CENPP: variants seen among roughly 807,000 people sequenced by gnomAD.
CENPP encodes centromere protein P.
Under a neutral mutation model 35.6 loss-of-function variants are expected in CENPP, and 24 were observed. That is an observed-to-expected ratio of 0.67 (90% confidence interval 0.49 to 0.95). The LOEUF is 0.95. CENPP is among the 40% of genes least tolerant of loss of function. The probability of loss-of-function intolerance (pLI) is 0.00; values close to 1 mark genes in which losing one functional copy is unlikely to be tolerated. For missense variants in CENPP, 332 were observed against 345.3 expected, an observed-to-expected ratio of 0.96 and a Z score of 0.31; for synonymous variants, 120 against 125.5, an observed-to-expected ratio of 0.96 and a Z score of 0.29.
At chr9:92,401,227 C>A in intron 5 of CENPP, 1 of 849,988 alleles carries the variant, frequency 1.2e-6, no homozygotes, top group Non-Finnish European at 2.0e-6. Context: ...TTCATTAAGT[C>A]TGTGTTTCTC....
At chr9:92,537,162 C>T (rs1233410915) in intron 5 of CENPP, among the ~76,000 whole-genome samples, 1 of 151,824 alleles carries the variant, frequency 6.6e-6, no homozygotes, top group Admixed American at 6.6e-5. Context: ...AGGCATGAGC[C>T]ACCGCACCTG....
rs570751813 is a variant in CENPP, at chr9:92,467,337, A to T, written c.564+87478A>T. 4.0e-4 allele frequency among the ~76,000 whole-genome samples: 61 copies of T among 152,286 alleles called. 1 individual carries two copies. Among genetic ancestry groups the T allele is most frequent in the African/African-American group, 1.3e-3 (56 of 41,566 alleles). ...TCTGCCCAGATCATGAGATTATGGG[A>T]TGTGGGGATTTCAGAACCCAAACTG... On this transcript the variant is annotated intron_variant, in intron 5 of 7. Transcript: ENST00000375587.
At chr9:92,435,110 T>C (rs1170234243) in intron 5 of CENPP, among the ~76,000 whole-genome samples, 1 of 152,208 alleles carries the variant, frequency 6.6e-6, no homozygotes. Flanking sequence ...GTTTTGGCAA[T>C]GCTTGGTAGA....
chr9:92,546,541 G>T (rs991821132), intron 5 of CENPP, among the ~76,000 whole-genome samples: 1 of 151,972 alleles, frequency 6.6e-6, no homozygotes, highest in Non-Finnish European at 1.5e-5. Flanking sequence ...AATAGTCAAC[G>T]CCAAGGTCTG....
chr9:92,608,078 G>GC (rs1429719811), intron 5 of CENPP, among the ~76,000 whole-genome samples: 1 of 152,194 alleles, frequency 6.6e-6, no homozygotes, highest in Non-Finnish European at 1.5e-5. Context: ...AGTGTGCTCA[G>GC]CGAGGTCCCC....
intron 5 of CENPP, among the ~76,000 whole-genome samples, chr9:92,381,291 T>C (rs1189424942): frequency 6.6e-6 from 1 of 151,586 alleles, no homozygotes; most frequent in Non-Finnish European, 1.5e-5. Context: ...TTTTCTTTTT[T>C]TTTTTTTTTT....
chr9:92,578,517 T>C (rs1297386532), intron 5 of CENPP, among the ~76,000 whole-genome samples: 4 of 152,322 alleles, frequency 2.6e-5, no homozygotes, highest in East Asian at 1.9e-4. Context: ...TGGTATCTCA[T>C]TGTGGTTTTG....
chr9:92,586,947 A>C (rs1026814608), intron 5 of CENPP, among the ~76,000 whole-genome samples: 5 of 151,514 alleles, frequency 3.3e-5, no homozygotes, highest in Non-Finnish European at 5.9e-5. Context: ...GTTCAACAAC[A>C]AGAAAAAGAC....
intron 5 of CENPP, among the ~76,000 whole-genome samples, chr9:92,569,586 C>T (rs898321890): frequency 5.3e-5 from 8 of 152,042 alleles, no homozygotes; most frequent in Non-Finnish European, 8.8e-5. Context: ...TCCATATGAA[C>T]TTTAAAGTAG....
At chr9:92,357,420 A>G (rs1256988335) in intron 4 of CENPP, among the ~76,000 whole-genome samples, 2 of 148,182 alleles carry the variant, frequency 1.3e-5, no homozygotes, top group Non-Finnish European at 3.0e-5. Context: ...TTTTTGTTTT[A>G]TTTTTCTTTT....
At chr9:92,416,873 G>A in intron 5 of CENPP, 1 of 1,613,948 alleles carries the variant, frequency 6.2e-7, no homozygotes, top group Non-Finnish European at 8.5e-7. Context: ...AGGCAAACCA[G>A]GAGGCATTGA....
At position 92,611,194 on chromosome 9, in the gene CENPP, G is replaced by C. The variant is rs867943631; in HGVS notation, c.565-120G>C. On this transcript the variant is annotated intron_variant, in intron 5 of 7. Coordinates refer to ENST00000375587, the MANE Select transcript of CENPP (RefSeq NM_001012267.3). ...AGAGGGGCGGTTGGCACCCATGGAT[G>C]CTGCGCAAACACTCGGACCCTGATT... is the stretch of plus-strand genomic sequence containing the variant. 3.9e-5 allele frequency: 30 copies of C among 772,396 alleles called. No homozygotes were observed. In the South Asian group the frequency reaches 4.6e-4, roughly 12 times the overall value. 47.8% of individuals were successfully genotyped at this position (772,396 alleles called of 1,614,324 possible). A position where few individuals can be genotyped will look rare whatever the true frequency, so the allele number is the denominator to read the frequency against.
At chr9:92,492,097 T>G (rs1846187484) in intron 5 of CENPP, among the ~76,000 whole-genome samples, 1 of 152,234 alleles carries the variant, frequency 6.6e-6, no homozygotes. Context: ...ATATCCTGTA[T>G]TATATCACAG....
chr9:92,431,170 G>C (rs1041848726), intron 5 of CENPP, among the ~76,000 whole-genome samples: 3 of 152,156 alleles, frequency 2.0e-5, no homozygotes, highest in Admixed American at 2.0e-4. Flanking sequence ...TGCTTGTTAA[G>C]TATGAGATGT....
intron 5 of CENPP, among the ~76,000 whole-genome samples, chr9:92,570,408 T>G (rs898426725): frequency 6.6e-6 from 1 of 152,218 alleles, no homozygotes; most frequent in Non-Finnish European, 1.5e-5. Flanking sequence ...TGAACCAGCC[T>G]TGCATCCCAG....
intron 4 of CENPP, 79 bp downstream of exon 4, chr9:92,345,866 C>A: frequency 1.2e-6 from 1 of 805,560 alleles, no homozygotes; most frequent in Non-Finnish European, 2.1e-6. Context: ...ACCTTTTCCT[C>A]TTCTTAGTAA....
chr9:92,351,443 A>G (rs536746833), intron 4 of CENPP, among the ~76,000 whole-genome samples: 1 of 149,478 alleles, frequency 6.7e-6, no homozygotes, highest in Admixed American at 6.8e-5. Flanking sequence ...GCACCACTAC[A>G]CTCCAGCCTG....
chr9:92,605,846 GAAGTA>G (rs1358741653), intron 5 of CENPP, among the ~76,000 whole-genome samples: 1 of 152,170 alleles, frequency 6.6e-6, no homozygotes, highest in Non-Finnish European at 1.5e-5. Context: ...GTACATTAAA[GAAGTA>G]AAAAGACAAC....
intron 4 of CENPP, among the ~76,000 whole-genome samples, chr9:92,365,419 T>C (rs1841862477): frequency 6.8e-6 from 1 of 146,960 alleles, no homozygotes; most frequent in South Asian, 2.2e-4. Flanking sequence ...TTTTTTTTTT[T>C]TTTTTTTTTG....
Sources: gnomAD v4.1 joint callset for allele counts (sites outside exome capture counted in the v4.1 genomes callset) on GRCh38, gnomAD v4.1.1 for gene constraint, MANE v1.5 for transcripts, NCBI Gene and HGNC (gene_info 2026-07-23, HGNC 2026-07-21) for gene names.